Variants in SGMS1 observed in about 807,000 individuals in gnomAD.
SGMS1 encodes phosphatidylcholine:ceramide cholinephosphotransferase 1.
A neutral mutation model predicts 46.2 loss-of-function variants in SGMS1; 13 were observed. The observed-to-expected ratio is 0.28, with a 90% CI of 0.18 to 0.45. The LOEUF (loss-of-function observed/expected upper bound fraction) is 0.45. Ranked by LOEUF, SGMS1 falls within the 20% of genes least tolerant of loss-of-function variation. The probability of loss-of-function intolerance (pLI) is 1.00; values close to 1 mark genes in which losing one functional copy is unlikely to be tolerated. For missense variants in SGMS1, 324 were observed against 519.9 expected, an observed-to-expected ratio of 0.62 and a Z score of 3.66; for synonymous variants, 203 against 187.8, an observed-to-expected ratio of 1.08 and a Z score of -0.66.
chr10:50,418,165 G>T (rs368497800), intron 6 of SGMS1: 1 of 152,122 alleles, frequency 6.6e-6, no homozygotes. Context: ...GCCCTGGCGC[G>T]GGCGGAAAGG....
At chr10:50,553,207 A>G (rs969692083) in intron 2 of SGMS1, among the ~76,000 whole-genome samples, 11 of 152,178 alleles carry the variant, frequency 7.2e-5, no homozygotes, top group Non-Finnish European at 1.0e-4. Flanking sequence ...TTTATCATCC[A>G]CTTAAGGGAA....
At chr10:50,571,669 T>C (rs1838337820) in intron 2 of SGMS1, among the ~76,000 whole-genome samples, 1 of 152,216 alleles carries the variant, frequency 6.6e-6, no homozygotes, top group African/African-American at 2.4e-5. Context: ...CTAATGTGCA[T>C]ATATATACAC....
chr10:50,544,163 A>C (rs963297693), intron 2 of SGMS1, among the ~76,000 whole-genome samples: 1 of 152,254 alleles, frequency 6.6e-6, no homozygotes, highest in African/African-American at 2.4e-5. Context: ...GGTGACAGCT[A>C]CTGAATGCCA....
rs144730153 is a variant in SGMS1 at position 50,580,748 on chromosome 10, G to A, written c.-589+9405C>T. Among the ~76,000 whole-genome samples the A allele has an allele frequency of 3.2e-3, 484 of 152,232 alleles. 3 individuals carry two copies. Among genetic ancestry groups the A allele is most frequent in the African/African-American group, 0.011 (466 of 41,536 alleles). On this transcript the variant is annotated intron_variant, in intron 2 of 10. Transcript: ENST00000361781. ...CAAAAAGTAGAATGGTTCCTACCAG[G>A]GGTTACAGGAGGGAGAGAAGGGGAG... is the stretch of plus-strand genomic sequence containing the variant.
chr10:50,600,133 C>T (rs1417154352), intron 1 of SGMS1, among the ~76,000 whole-genome samples: 1 of 152,144 alleles, frequency 6.6e-6, no homozygotes, highest in African/African-American at 2.4e-5. Flanking sequence ...ACAAAGAATG[C>T]CCACATGCAA....
intron 2 of SGMS1, among the ~76,000 whole-genome samples, chr10:50,551,097 C>G (rs1450481887): frequency 2.0e-5 from 3 of 152,046 alleles, no homozygotes; most frequent in Non-Finnish European, 4.4e-5. Context: ...TTCCAAAGGG[C>G]ACAGTATGGA....
chr10:50,584,577 T>C (rs925491324), intron 2 of SGMS1, among the ~76,000 whole-genome samples: 6 of 152,064 alleles, frequency 3.9e-5, no homozygotes, highest in African/African-American at 1.4e-4. Flanking sequence ...AGTTTGGAGT[T>C]TTCATCACAT....
Position 50,614,478 on chromosome 10 carries a change from G to A in SGMS1, c.-684+9229C>T, listed in dbSNP as rs554811485. On this transcript the variant is annotated intron_variant, in intron 1 of 10. Transcript: ENST00000361781. ...CTGGCTCCTCGCTGACATGGGCACT[G>A]CTGATGGCAGTGGTTGGCAAAGAGT... Among the ~76,000 whole-genome samples, 14 of 152,342 alleles carry A rather than the reference G, an allele frequency of 9.2e-5. No homozygotes were observed. The South Asian group carries it at 2.1e-3, about 23-fold the overall frequency.
chr10:50,368,778 A>C (rs560395949), intron 6 of SGMS1, among the ~76,000 whole-genome samples: 3 of 152,384 alleles, frequency 2.0e-5, no homozygotes, highest in African/African-American at 7.2e-5. Flanking sequence ...AAATTATGTA[A>C]GTTTTCAAAT....
chr10:50,384,378 TTTC>T (rs754588207), intron 6 of SGMS1, among the ~76,000 whole-genome samples: 80 of 150,144 alleles, frequency 5.3e-4, no homozygotes, highest in Non-Finnish European at 1.0e-3. Flanking sequence ...TCTTTCTCTC[TTTC>T]TTTTTCTCTC....
rs75405625 is a variant in SGMS1 at position 50,443,025 on chromosome 10, G to A, written c.-312-9469C>T. Among the ~76,000 whole-genome samples, 753 of 152,202 alleles carry A rather than the reference G, an allele frequency of 4.9e-3. 9 individuals carry two copies. The highest frequency in any genetic ancestry group is 0.028 in the Admixed American group (426 of 15,278). On this transcript the variant is annotated intron_variant, in intron 5 of 10. Coordinates refer to ENST00000361781, the MANE Select transcript of SGMS1 (RefSeq NM_147156.4). ...AAGAATGGTTTCCTTAGTGTTCTAT[G>A]AGCAAAAATTTCAAAATAGAAAACA...
At chr10:50,333,076 C>T (rs187328346) in intron 7 of SGMS1, among the ~76,000 whole-genome samples, 1 of 152,304 alleles carries the variant, frequency 6.6e-6, no homozygotes, top group African/African-American at 2.4e-5. Context: ...AGAGCCACTT[C>T]ATCCTCCCAA....
At chr10:50,326,570 A>G (rs1315934656) in intron 8 of SGMS1, among the ~76,000 whole-genome samples, 1 of 152,224 alleles carries the variant, frequency 6.6e-6, no homozygotes, top group Non-Finnish European at 1.5e-5. Flanking sequence ...AAAATCTGCT[A>G]ATTATTTCAC....
chr10:50,333,970 G>A (rs894880129), intron 7 of SGMS1, among the ~76,000 whole-genome samples: 1 of 152,150 alleles, frequency 6.6e-6, no homozygotes, highest in African/African-American at 2.4e-5. Flanking sequence ...TTTTACAGAA[G>A]GGGAAATTGT....
chr10:50,486,604 A>C (rs1837523275), intron 3 of SGMS1, among the ~76,000 whole-genome samples: 5 of 152,202 alleles, frequency 3.3e-5, no homozygotes. Flanking sequence ...AATCAAAACC[A>C]CTAGATGCCA....
chr10:50,543,332 G>A (rs776534732), intron 2 of SGMS1, among the ~76,000 whole-genome samples: 3 of 152,210 alleles, frequency 2.0e-5, no homozygotes, highest in Non-Finnish European at 4.4e-5. Flanking sequence ...CATCCACACA[G>A]GAGGCCCAAG....
chr10:50,544,991 T>G (rs1434718498), intron 2 of SGMS1, among the ~76,000 whole-genome samples: 2 of 152,168 alleles, frequency 1.3e-5, no homozygotes, highest in Non-Finnish European at 2.9e-5. Context: ...ACAAGGGAAG[T>G]GAAATGAACA....
At chr10:50,577,541 G>A (rs1422513399) in intron 2 of SGMS1, among the ~76,000 whole-genome samples, 2 of 152,110 alleles carry the variant, frequency 1.3e-5, no homozygotes, top group African/African-American at 2.4e-5. Flanking sequence ...AGGCATCTCT[G>A]CAGTACTGTC....
At chr10:50,433,312 C>A (rs1849429442) in intron 6 of SGMS1, among the ~76,000 whole-genome samples, 164 bp downstream of exon 6, 1 of 152,196 alleles carries the variant, frequency 6.6e-6, no homozygotes, top group Admixed American at 6.5e-5. Flanking sequence ...TAAGATTTAT[C>A]AAAGTTAGCA....
Sources: allele counts gnomAD v4.1 joint callset (sites outside exome capture counted in the v4.1 genomes callset), GRCh38; gene constraint gnomAD v4.1.1; transcripts MANE v1.5; gene names NCBI Gene and HGNC (gene_info 2026-07-23, HGNC 2026-07-21).